Variants in ANKFN1 observed in about 807,000 individuals in gnomAD.
ANKFN1 encodes ankyrin repeat and fibronectin type-III domain-containing protein 1.
A neutral mutation model predicts 108.7 loss-of-function variants in ANKFN1; 74 were observed. The ratio of observed to expected loss-of-function variants is 0.68; its 90% CI spans 0.56 to 0.83. The LOEUF (loss-of-function observed/expected upper bound fraction) is 0.83. Among genes scored for constraint, ANKFN1 ranks in the 40% least tolerant of loss-of-function variants. ANKFN1 has a pLI of 0.00. For synonymous variants in ANKFN1, 547 were observed against 516.2 expected (o/e 1.06, Z -0.81); for missense variants, 1,505 against 1,382.3 (o/e 1.09, Z -1.41).
chr17:56,184,221 T>C (rs779424051), intron 1 of ANKFN1, among the ~76,000 whole-genome samples: 8 of 152,178 alleles, frequency 5.3e-5, no homozygotes, highest in Middle Eastern at 3.2e-3. Context: ...GTGGGTGAAC[T>C]TCATTGTTGT....
rs528266083 is a variant in ANKFN1 at position 56,231,269 on chromosome 17, C to T, written c.53+3312C>T. Among the ~76,000 whole-genome samples the T allele has an allele frequency of 3.3e-5, 5 of 152,262 alleles. No individual in the cohort carries two copies. In the South Asian group the frequency reaches 1.0e-3, roughly 32 times the overall value. On this transcript the variant is annotated intron_variant, in intron 3 of 20. Coordinates refer to ENST00000682825, the MANE Select transcript of ANKFN1 (RefSeq NM_001370326.1). ...TCTCTAAGTATCCATTTGCCAATTACATTAACTTGGTTTGTGTAATTTAGC... is the reference window on the plus strand; with the variant it reads ...TCTCTAAGTATCCATTTGCCAATTATATTAACTTGGTTTGTGTAATTTAGC...
At chr17:56,149,172 A>T (rs1908448466), upstream of ANKFN1, among the ~76,000 whole-genome samples, 1 of 151,986 alleles carries the variant, frequency 6.6e-6, no homozygotes, top group Non-Finnish European at 1.5e-5. Context: ...ATGTTTGTGT[A>T]TTTTAATTTG....
chr17:56,059,312 T>G (rs1002835802), intron 4 of ANKFN1, among the ~76,000 whole-genome samples: 2 of 152,226 alleles, frequency 1.3e-5, no homozygotes, highest in Non-Finnish European at 2.9e-5. Context: ...TTTAAGTTCC[T>G]TGTAAATTCT....
At chr17:56,506,129 T>C (rs997741927) in intron 20 of ANKFN1, among the ~76,000 whole-genome samples, 1 of 152,310 alleles carries the variant, frequency 6.6e-6, no homozygotes, top group South Asian at 2.1e-4. Context: ...TTGTTACATA[T>C]GTATACATGC....
At chr17:56,051,571 C>A (rs1904775762) in intron 4 of ANKFN1, among the ~76,000 whole-genome samples, 1 of 143,328 alleles carries the variant, frequency 7.0e-6, no homozygotes, top group Non-Finnish European at 1.5e-5. Flanking sequence ...CTGGCCAGGG[C>A]AATTAGGCAG....
intron 1 of ANKFN1, among the ~76,000 whole-genome samples, chr17:56,212,221 T>C (rs542059809): frequency 6.6e-5 from 10 of 152,264 alleles, no homozygotes; most frequent in African/African-American, 1.9e-4. Context: ...CCTTCTATGA[T>C]GATTTTGCTG....
chr17:56,228,861 C>T (rs1916491541), intron 3 of ANKFN1, among the ~76,000 whole-genome samples: 2 of 152,078 alleles, frequency 1.3e-5, no homozygotes, highest in South Asian at 2.1e-4. Context: ...GCAGAGAATA[C>T]ATCTCAGTAG....
At chr17:56,439,939 A>G (rs1318364050) in intron 8 of ANKFN1, among the ~76,000 whole-genome samples, 1 of 152,096 alleles carries the variant, frequency 6.6e-6, no homozygotes, top group Non-Finnish European at 1.5e-5. Context: ...TCATATACAC[A>G]TACACATACA....
chr17:56,335,866 T>G (rs917599477), intron 4 of ANKFN1, among the ~76,000 whole-genome samples: 14 of 152,162 alleles, frequency 9.2e-5, no homozygotes, highest in Non-Finnish European at 2.1e-4. Context: ...CATAAATAGC[T>G]CTTATTATTT....
chr17:56,425,418 C>T (rs565930124), intron 8 of ANKFN1, among the ~76,000 whole-genome samples: 24 of 152,340 alleles, frequency 1.6e-4, no homozygotes, highest in African/African-American at 5.3e-4. Context: ...TTTCCTCCTA[C>T]AAAATATAAG....
intron 4 of ANKFN1, among the ~76,000 whole-genome samples, chr17:56,060,370 C>T (rs373433489): frequency 1.3e-5 from 2 of 152,302 alleles, no homozygotes; most frequent in East Asian, 1.9e-4. Context: ...ATCATGTCAT[C>T]TGCAAACAGA....
intron 1 of ANKFN1, among the ~76,000 whole-genome samples, chr17:56,195,977 A>G (rs530676243): frequency 6.6e-6 from 1 of 152,346 alleles, no homozygotes; most frequent in Admixed American, 6.5e-5. Flanking sequence ...AGAAAAGATG[A>G]TATCAAGTAA....
At chr17:56,398,451 C>G (rs2047652266) in intron 8 of ANKFN1, among the ~76,000 whole-genome samples, 1 of 152,166 alleles carries the variant, frequency 6.6e-6, no homozygotes, top group Non-Finnish European at 1.5e-5. Context: ...AAGGTCATAA[C>G]TTCTCTGAGC....
intron 3 of ANKFN1, among the ~76,000 whole-genome samples, chr17:56,321,420 A>G (rs2045362291): frequency 6.6e-6 from 1 of 151,780 alleles, no homozygotes; most frequent in Admixed American, 6.6e-5. Flanking sequence ...CCACTTTCTT[A>G]TAATTTAATT....
chr17:56,170,592 A>C (rs1369393824), intron 1 of ANKFN1, among the ~76,000 whole-genome samples: 3 of 151,230 alleles, frequency 2.0e-5, no homozygotes, highest in Non-Finnish European at 2.9e-5. Flanking sequence ...GTGAAACCCC[A>C]TGTCTACTAA....
chr17:56,422,467 A>C (rs1567989422), intron 8 of ANKFN1, among the ~76,000 whole-genome samples: 1 of 151,522 alleles, frequency 6.6e-6, no homozygotes, highest in African/African-American at 2.4e-5. Context: ...ATGCACACAC[A>C]CACGCACGCA....
At chr17:56,119,401 T>C (rs1195929331) in intron 4 of ANKFN1, among the ~76,000 whole-genome samples, 4 of 152,092 alleles carry the variant, frequency 2.6e-5, no homozygotes, top group Non-Finnish European at 5.9e-5. Context: ...ATGCTTTGGA[T>C]TGAGAGGCCT....
At chr17:56,429,232 T>C (rs1346044204) in intron 8 of ANKFN1, among the ~76,000 whole-genome samples, 1 of 152,126 alleles carries the variant, frequency 6.6e-6, no homozygotes, top group Non-Finnish European at 1.5e-5. Context: ...TAAATGGGCT[T>C]GGTAGAAATC....
At chr17:56,386,048 A>G (rs922232972) in intron 8 of ANKFN1, among the ~76,000 whole-genome samples, 2 of 152,192 alleles carry the variant, frequency 1.3e-5, no homozygotes, top group African/African-American at 4.8e-5. Flanking sequence ...ACTATTCACA[A>G]TAGCAAAGAC....
Sources: allele counts gnomAD v4.1 joint callset (sites outside exome capture counted in the v4.1 genomes callset), GRCh38; gene constraint gnomAD v4.1.1; transcripts MANE v1.5; gene names NCBI Gene and HGNC (gene_info 2026-07-23, HGNC 2026-07-21).